SERINC5: variants seen among roughly 807,000 people sequenced by gnomAD.
SERINC5 encodes the protein serine incorporator 5.
A neutral mutation model predicts 63.1 loss-of-function variants in SERINC5; 41 were observed. The observed-to-expected ratio is 0.65, with a 90% CI of 0.51 to 0.84. SERINC5 has a LOEUF of 0.84. Ranked by LOEUF, SERINC5 falls within the 40% of genes least tolerant of loss-of-function variation. The pLI is 0.00. For synonymous variants in SERINC5, 222 were observed against 215.2 expected (o/e 1.03, Z -0.28); for missense variants, 523 against 573.0 (o/e 0.91, Z 0.89).
Position 80,141,069 on chromosome 5 carries a change from T to A in SERINC5, c.*2594A>T, listed in dbSNP as rs1044059771. On this transcript the variant is annotated 3_prime_UTR_variant, in exon 12 of 12. Coordinates refer to ENST00000507668, the MANE Select transcript of SERINC5 (RefSeq NM_001174072.3). ...ATTCTTTAAATCCAGGAATGTTGAC[T>A]CCTCACCTGAGTATTGTATATCACA... 5.1e-6 allele frequency: 5 copies of A among 985,284 alleles called. No homozygotes were observed. The African/African-American group carries it at 8.7e-5, about 17-fold the overall frequency. 61.0% of individuals were successfully genotyped at this position (985,284 alleles called of 1,614,324 possible). A position where few individuals can be genotyped will look rare whatever the true frequency, so the allele number is the denominator to read the frequency against.
chr5:80,192,592 T>C (rs1749257284), intron 2 of SERINC5, among the ~76,000 whole-genome samples: 1 of 152,062 alleles, frequency 6.6e-6, no homozygotes, highest in African/African-American at 2.4e-5. Context: ...ACAGAAAACG[T>C]CCTCACATCT....
intron 5 of SERINC5, among the ~76,000 whole-genome samples, chr5:80,171,635 G>A (rs1747663875): frequency 6.6e-6 from 1 of 152,170 alleles, no homozygotes; most frequent in African/African-American, 2.4e-5. Flanking sequence ...CTAGAGGAGA[G>A]GCTTTTGAAG....
chr5:80,224,899 C>T (rs1014010397), intron 1 of SERINC5, among the ~76,000 whole-genome samples: 1 of 150,576 alleles, frequency 6.6e-6, no homozygotes, highest in African/African-American at 2.5e-5. Context: ...GCTGGAATTA[C>T]AGGCGTGAGC....
downstream of SERINC5, among the ~76,000 whole-genome samples, chr5:80,138,074 C>T (rs541934618): frequency 3.9e-5 from 6 of 152,084 alleles, no homozygotes; most frequent in South Asian, 2.1e-4. Context: ...AAGACAAATG[C>T]TTCATGATCT....
At chr5:80,222,706 G>A (rs939287384) in intron 1 of SERINC5, among the ~76,000 whole-genome samples, 4 of 152,076 alleles carry the variant, frequency 2.6e-5, no homozygotes, top group African/African-American at 9.7e-5. Context: ...CCAAGTGGCT[G>A]GGATTACAGG....
intron 6 of SERINC5, chr5:80,167,093 T>G (rs1747346979): frequency 6.6e-6 from 1 of 152,304 alleles, no homozygotes; most frequent in East Asian, 1.9e-4. Flanking sequence ...ATTTTTAACT[T>G]TTATTTTAGG....
At position 80,140,245 on chromosome 5, in the gene SERINC5, T is replaced by A. The variant is rs1422804411; in HGVS notation, c.*3418A>T. The stretch of plus-strand genomic sequence containing the variant: ...GTCCTTGAGCCCAGGAGGTCAAGCC[T>A]GCCATGAGTCAAGATCATGTCACTG... On this transcript the variant is annotated 3_prime_UTR_variant, in exon 12 of 12. Transcript: ENST00000507668. The A allele has an allele frequency of 2.3e-5, 20 of 888,670 alleles. No individual in the cohort carries two copies. Among genetic ancestry groups the A allele is most frequent in the Non-Finnish European group, 2.2e-5 (17 of 760,076 alleles). The allele number at this position is 888,670 out of a possible 1,614,324, so 55.0% of individuals were successfully genotyped here.
At chr5:80,220,037 G>A (rs1168160661) in intron 1 of SERINC5, among the ~76,000 whole-genome samples, 3 of 151,860 alleles carry the variant, frequency 2.0e-5, no homozygotes, top group Non-Finnish European at 2.9e-5. Flanking sequence ...GCCAAACCCC[G>A]CCTCTACTAA....
At chr5:80,122,212 T>TATATATATATATATATATAA (rs777568982) in intron 11 of SERINC5, among the ~76,000 whole-genome samples, 1,664 of 142,452 alleles carry the variant, frequency 0.012, 28 homozygotes, top group South Asian at 0.027. Context: ...TATATATATA[T>TATATATATATATATATATAA]AATATGAGTT....
intron 1 of SERINC5, among the ~76,000 whole-genome samples, chr5:80,237,748 C>T (rs1184276134): frequency 2.0e-5 from 3 of 151,856 alleles, no homozygotes; most frequent in African/African-American, 7.3e-5. Flanking sequence ...CTGCCACACC[C>T]CTCTGCAAGA....
intron 8 of SERINC5, chr5:80,158,243 G>A (rs74533358): frequency 6.6e-6 from 1 of 152,380 alleles, no homozygotes; most frequent in African/African-American, 2.4e-5. Flanking sequence ...CCCACCACAA[G>A]CATCTGAAAC....
intron 11 of SERINC5, chr5:80,116,095 G>C: frequency 2.8e-6 from 1 of 355,882 alleles, no homozygotes; most frequent in Non-Finnish European, 5.5e-6. Context: ...GTGAGGCAGG[G>C]CAGAAAGCCT....
chr5:80,191,785 T>C lies in SERINC5; in HGVS notation c.195+11101A>G, dbSNP rs371015982. On this transcript the variant is annotated intron_variant, in intron 2 of 11. Coordinates refer to ENST00000507668, the MANE Select transcript of SERINC5 (RefSeq NM_001174072.3). The stretch of plus-strand genomic sequence containing the variant: ...TATTAAACATGTCATACTAATTTAT[T>C]GCCACATTATTCTTACCTAGTCTAC... Among the ~76,000 whole-genome samples the C allele has an allele frequency of 3.5e-4, 53 of 152,298 alleles. 1 individual carries two copies. In the East Asian group the frequency reaches 9.4e-3, roughly 27 times the overall value.
At position 80,141,823 on chromosome 5, in the gene SERINC5, A is replaced by G; in HGVS notation, c.*1840T>C. Reference sequence around the variant, plus strand: ...AAAAAGGAAATTTAATGGAATTTACAAAACAAGGCTCTCTAAACCACACAC... The same window carrying G: ...AAAAAGGAAATTTAATGGAATTTACGAAACAAGGCTCTCTAAACCACACAC... On this transcript the variant is annotated 3_prime_UTR_variant, in exon 12 of 12. Transcript: ENST00000507668. 1 of 985,452 alleles carries G rather than the reference A, an allele frequency of 1.0e-6. No homozygotes were observed. Among genetic ancestry groups the G allele is most frequent in the Non-Finnish European group, 1.2e-6 (1 of 829,922 alleles). 61.0% of individuals were successfully genotyped at this position (985,452 alleles called of 1,614,324 possible).
chr5:80,172,813 C>T (rs755450803), intron 5 of SERINC5, among the ~76,000 whole-genome samples: 3 of 152,168 alleles, frequency 2.0e-5, no homozygotes, highest in Non-Finnish European at 2.9e-5. Context: ...AGACGACCAA[C>T]GCTTCTATTC....
At chr5:80,131,411 GTA>G (rs1744944678) in intron 11 of SERINC5, among the ~76,000 whole-genome samples, 1 of 152,194 alleles carries the variant, frequency 6.6e-6, no homozygotes, top group African/African-American at 2.4e-5. Context: ...CCAGTCTTGG[GTA>G]TGTCTTTATT....
intron 2 of SERINC5, among the ~76,000 whole-genome samples, chr5:80,182,056 T>G (rs1748463677): frequency 6.6e-6 from 1 of 152,230 alleles, no homozygotes; most frequent in African/African-American, 2.4e-5. Flanking sequence ...TGTGTACGGT[T>G]TGCAATACTG....
rs1350434961 is a variant in SERINC5, at chr5:80,146,252, A to G, written c.1094-18T>C. 3.7e-6 allele frequency: 6 copies of G among 1,613,494 alleles called. No homozygotes were observed. The highest frequency in any genetic ancestry group is 1.3e-5 in the African/African-American group (1 of 74,918). On this transcript the variant is annotated intron_variant, in intron 10 of 11. Coordinates refer to ENST00000507668, the MANE Select transcript of SERINC5 (RefSeq NM_001174072.3). ...TTCAGTGTCTGTGAAGCACAGAGGG[A>G]GCCCAGGCTCAATGAGTGAATGTGT...
intron 7 of SERINC5, among the ~76,000 whole-genome samples, chr5:80,161,013 TACGTGTATATATATACAC>T (rs1554061891): frequency 1.4e-5 from 2 of 147,496 alleles, no homozygotes; most frequent in East Asian, 1.9e-4. Flanking sequence ...CGTGTATATA[TACGTGTATATATATACAC>T]ACGTGTATAT....
Sources: allele counts gnomAD v4.1 joint callset (sites outside exome capture counted in the v4.1 genomes callset), GRCh38; gene constraint gnomAD v4.1.1; transcripts MANE v1.5; gene names NCBI Gene and HGNC (gene_info 2026-07-23, HGNC 2026-07-21).